Variants in OSBPL10 observed in about 807,000 individuals in gnomAD.
OSBPL10 encodes oxysterol-binding protein-related protein 10.
OSBPL10 carries 49 observed loss-of-function variants against 81.7 expected under a neutral mutation model. That is an observed-to-expected ratio of 0.60 (90% CI 0.48 to 0.76). The LOEUF (loss-of-function observed/expected upper bound fraction) is 0.76. OSBPL10 is among the 30% of genes least tolerant of loss of function. The probability of loss-of-function intolerance (pLI) is 0.00; values close to 1 mark genes in which losing one functional copy is unlikely to be tolerated. For missense variants in OSBPL10, 923 were observed against 987.8 expected, an observed-to-expected ratio of 0.93 and a Z score of 0.88; for synonymous variants, 419 against 383.6, an observed-to-expected ratio of 1.09 and a Z score of -1.08.
chr3:31,830,621 C>T (rs1234662477), intron 3 of OSBPL10, among the ~76,000 whole-genome samples: 1 of 152,182 alleles, frequency 6.6e-6, no homozygotes, highest in Non-Finnish European at 1.5e-5. Context: ...TCAAACTCAG[C>T]ATGGTGTTCT....
chr3:31,667,225 G>A (rs1700213983), intron 10 of OSBPL10, among the ~76,000 whole-genome samples: 1 of 152,232 alleles, frequency 6.6e-6, no homozygotes, highest in Non-Finnish European at 1.5e-5. Context: ...TGTGGGCAAG[G>A]GGATGGGTTT....
intron 2 of OSBPL10, among the ~76,000 whole-genome samples, chr3:32,024,611 A>G (rs1227871029): frequency 4.9e-5 from 7 of 143,212 alleles, no homozygotes; most frequent in Admixed American, 1.5e-4. Flanking sequence ...CAGCCCCCCC[A>G]GTAGCTGGGA....
In OSBPL10 at chr3:31,775,277, G is replaced by C. The variant is rs887237730; in HGVS notation, c.730-27157C>G. Among the ~76,000 whole-genome samples, 4 of 152,112 alleles carry C rather than the reference G, an allele frequency of 2.6e-5. No individual in the cohort carries two copies. In the South Asian group the frequency reaches 8.3e-4, roughly 32 times the overall value. On this transcript the variant is annotated intron_variant, in intron 4 of 11. Coordinates refer to ENST00000396556, the MANE Select transcript of OSBPL10 (RefSeq NM_017784.5). ...AAGTGAGAATGGGCAACAGATCTGAGGGAACATGCAAAGGACTGCTTCCAC... is the reference window on the plus strand; with the variant it reads ...AAGTGAGAATGGGCAACAGATCTGACGGAACATGCAAAGGACTGCTTCCAC...
At chr3:31,979,395 C>A (rs1317248495) in intron 1 of OSBPL10, among the ~76,000 whole-genome samples, 4 of 152,198 alleles carry the variant, frequency 2.6e-5, no homozygotes, top group African/African-American at 9.7e-5. Context: ...TTCCATACTT[C>A]AAAAGACCTC....
intron 1 of OSBPL10, among the ~76,000 whole-genome samples, chr3:32,069,405 G>T (rs1451213035): frequency 1.3e-5 from 2 of 152,024 alleles, no homozygotes; most frequent in Non-Finnish European, 2.9e-5. Flanking sequence ...ATAGCTAGGC[G>T]AGATTACATG....
In OSBPL10 at chr3:31,684,030, C is replaced by A; in HGVS notation, c.1330G>T (p.Ala444Ser). The A allele has an allele frequency of 6.2e-7, 1 of 1,614,194 alleles. No individual in the cohort carries two copies. The highest frequency in any genetic ancestry group is 8.5e-7 in the Non-Finnish European group (1 of 1,180,038). The change falls in exon 8 of 12, where the codon GCC (alanine) becomes TCC (serine). Residue 444 changes from alanine (A) to serine (S), a missense_variant. Physicochemically the swap from Ala to Ser is moderately conservative, Grantham distance 99. This residue lies in a region of OSBPL10 where 387 missense variants were observed against 436.3 expected (regional missense o/e 0.89). Coordinates refer to ENST00000396556, the MANE Select transcript of OSBPL10 (RefSeq NM_017784.5). ...DFMAHPDLLL[A>S]ITAGATPEER... ...TCTGGTGTGGCCCCAGCGGTGATGG[C>A]CAGCAGTAGGTCTGGGTGCGCCATG...
intron 2 of OSBPL10, chr3:31,988,899 A>G (rs1257882159): frequency 2.8e-6 from 2 of 716,000 alleles, no homozygotes; most frequent in East Asian, 5.4e-5. Context: ...TGAGCCAGGA[A>G]CACCCAGCTG....
intron 9 of OSBPL10, 91 bp from the exon 10 acceptor site, chr3:31,668,915 T>A (rs894233159): frequency 5.9e-6 from 7 of 1,182,126 alleles, no homozygotes; most frequent in Admixed American, 2.6e-5. Context: ...TTTTTTTTTT[T>A]AATCAGAAAT....
At chr3:31,787,019 G>A (rs1010869705) in intron 4 of OSBPL10, among the ~76,000 whole-genome samples, 1 of 152,166 alleles carries the variant, frequency 6.6e-6, no homozygotes, top group Non-Finnish European at 1.5e-5. Context: ...CTGTTTGCCA[G>A]GTTGTTCTGG....
rs118042409 is a variant in OSBPL10, at chr3:32,031,610, C to T, written n.298+14881G>A. Among the ~76,000 whole-genome samples, 48 of 152,128 alleles carry T rather than the reference C, an allele frequency of 3.2e-4. 2 individuals are homozygous for T. In the East Asian group the frequency reaches 8.5e-3, roughly 27 times the overall value. On this transcript the variant is annotated intron_variant and non_coding_transcript_variant, in intron 2 of 3. Transcript: ENST00000479173. ...CCAAGTAGCTGGGACTACAGGCATA[C>T]GCCCGGCTAATTTTTGTATTTTTAG...
Position 31,876,454 on chromosome 3 carries a change from G to A in OSBPL10, c.516C>T (p.Tyr172=). ...WVTQLRACAK[Y]HMEMNSKSAP... is the part of the protein sequence containing the mutation. ...TTACCTTAGAATTCATTTCCATGTG[G>A]TATTTGGCACAAGCTCGAAGCTGAG... Residue 172 remains tyrosine (Y), a synonymous_variant, in exon 3 of 12, where the codon TAC becomes TAT. Transcript: ENST00000396556. The A allele has an allele frequency of 1.9e-6, 3 of 1,613,038 alleles. No individual in the cohort carries two copies. The highest frequency in any genetic ancestry group is 2.2e-5 in the East Asian group (1 of 44,886).
chr3:31,958,441 T>G (rs534590533), intron 1 of OSBPL10, among the ~76,000 whole-genome samples: 1 of 152,208 alleles, frequency 6.6e-6, no homozygotes. Flanking sequence ...TTATGCTTTT[T>G]AATAATATCA....
intron 3 of OSBPL10, among the ~76,000 whole-genome samples, chr3:31,871,599 A>G (rs1032564907): frequency 2.0e-5 from 3 of 152,212 alleles, no homozygotes; most frequent in Non-Finnish European, 4.4e-5. Context: ...AGCCAGGCTC[A>G]GTGGCTCATG....
At chr3:31,782,988 G>A (rs1235489149) in intron 4 of OSBPL10, among the ~76,000 whole-genome samples, 2 of 151,880 alleles carry the variant, frequency 1.3e-5, no homozygotes, top group East Asian at 3.8e-4. Context: ...ACTTGCACAT[G>A]TATGTTTATA....
rs565492398 is a variant in OSBPL10, at chr3:31,795,436, G to A, written c.729+34604C>T. The A allele has an allele frequency of 7.9e-5, 13 of 163,618 alleles. No individual in the cohort carries two copies. In the East Asian group the frequency reaches 9.6e-4, roughly 12 times the overall value. The allele number at this position is 163,618 out of a possible 1,614,324, so 10.1% of individuals were successfully genotyped here. On this transcript the variant is annotated intron_variant, in intron 4 of 11. Coordinates refer to ENST00000396556, the MANE Select transcript of OSBPL10 (RefSeq NM_017784.5). Reference sequence around the variant, plus strand: ...GCTGGGATTACAGGCATGAGCCACCGTGTCTGGCCCACAAAACCTTTCGGC... The same window carrying A: ...GCTGGGATTACAGGCATGAGCCACCATGTCTGGCCCACAAAACCTTTCGGC...
At chr3:31,836,688 G>A (rs547934606) in intron 3 of OSBPL10, among the ~76,000 whole-genome samples, 50 of 152,036 alleles carry the variant, frequency 3.3e-4, no homozygotes, top group Middle Eastern at 6.8e-3. Context: ...CCCCCTTATC[G>A]CACACCACCC....
At chr3:31,884,648 T>G (rs1412901936) in intron 1 of OSBPL10, among the ~76,000 whole-genome samples, 1 of 152,206 alleles carries the variant, frequency 6.6e-6, no homozygotes, top group Non-Finnish European at 1.5e-5. Flanking sequence ...AGTCACAGCT[T>G]TCATTCTAAA....
intron 8 of OSBPL10, among the ~76,000 whole-genome samples, chr3:31,680,932 AT>A (rs1700624626): frequency 6.6e-6 from 1 of 152,234 alleles, no homozygotes; most frequent in Non-Finnish European, 1.5e-5. Flanking sequence ...GATTTTTCTA[AT>A]TGGAAAATAG....
intron 6 of OSBPL10, among the ~76,000 whole-genome samples, chr3:31,707,991 G>C (rs1332536522): frequency 6.6e-6 from 1 of 152,142 alleles, no homozygotes; most frequent in Non-Finnish European, 1.5e-5. Flanking sequence ...GATAAATCAA[G>C]AAACACAGTG....
Sources: allele counts gnomAD v4.1 joint callset (sites outside exome capture counted in the v4.1 genomes callset), GRCh38; gene constraint gnomAD v4.1.1; regional missense constraint gnomAD v4.1.1; transcripts MANE v1.5; gene names NCBI Gene and HGNC (gene_info 2026-07-23, HGNC 2026-07-21).